MACROD2: variants seen among roughly 807,000 people sequenced by gnomAD.
MACROD2 encodes the protein ADP-ribose glycohydrolase MACROD2.
In MACROD2, 36 loss-of-function variants were observed where a neutral mutation model predicts 70.4. That is an observed-to-expected ratio of 0.51 (90% CI 0.39 to 0.68). The LOEUF (loss-of-function observed/expected upper bound fraction) is 0.68, where lower values mean the gene tolerates loss of function less well. Among genes scored for constraint, MACROD2 ranks in the 30% least tolerant of loss-of-function variants. The probability of loss-of-function intolerance (pLI) is 0.00; values close to 1 mark genes in which losing one functional copy is unlikely to be tolerated. For missense variants in MACROD2, 496 were observed against 538.4 expected (o/e 0.92, Z 0.78); for synonymous variants, 172 against 178.8 (o/e 0.96, Z 0.30).
intron 5 of MACROD2, among the ~76,000 whole-genome samples, chr20:14,923,796 G>A (rs1298482665): frequency 7.2e-6 from 1 of 138,986 alleles, no homozygotes; most frequent in Non-Finnish European, 1.6e-5. Flanking sequence ...CGTTGGGGGA[G>A]GGGGGGGCGG....
chr20:14,802,769 TACACACATAC>T (rs1325610932), intron 5 of MACROD2, among the ~76,000 whole-genome samples: 4 of 56,762 alleles, frequency 7.0e-5, no homozygotes, highest in Non-Finnish European at 9.2e-5. Context: ...AGCACACACA[TACACACATAC>T]ACACACACAC....
intron 3 of MACROD2, among the ~76,000 whole-genome samples, chr20:14,182,743 A>T (rs2081314718): frequency 6.6e-6 from 1 of 151,910 alleles, no homozygotes; most frequent in Non-Finnish European, 1.5e-5. Context: ...ACAGTTTGGG[A>T]GCTTTTTTTC....
At chr20:14,356,866 G>C (rs1449264322) in intron 3 of MACROD2, among the ~76,000 whole-genome samples, 1 of 152,152 alleles carries the variant, frequency 6.6e-6, no homozygotes, top group African/African-American at 2.4e-5. Flanking sequence ...GCTTCTGCTA[G>C]GAGCCCAGCC....
At chr20:14,460,607 T>A (rs1309109273) in intron 3 of MACROD2, among the ~76,000 whole-genome samples, 4 of 152,124 alleles carry the variant, frequency 2.6e-5, no homozygotes, top group Non-Finnish European at 5.9e-5. Flanking sequence ...TCAATACCAA[T>A]TTATTGTGAG....
At chr20:15,678,503 G>A (rs1278074822) in intron 8 of MACROD2, among the ~76,000 whole-genome samples, 1 of 152,060 alleles carries the variant, frequency 6.6e-6, no homozygotes, top group East Asian at 1.9e-4. Flanking sequence ...GGGACTACAG[G>A]CGCCCGCCAC....
intron 5 of MACROD2, among the ~76,000 whole-genome samples, chr20:15,214,162 G>C (rs1326907761): frequency 1.3e-5 from 2 of 152,120 alleles, no homozygotes; most frequent in Non-Finnish European, 2.9e-5. Context: ...ATGTGACAAA[G>C]CTCCCAAGCC....
intron 8 of MACROD2, among the ~76,000 whole-genome samples, chr20:15,850,809 T>A (rs752770998): frequency 1.2e-4 from 18 of 152,148 alleles, no homozygotes; most frequent in Admixed American, 5.9e-4. Flanking sequence ...GGGGCCCCAA[T>A]CTCAACAAAT....
At chr20:14,806,637 G>A (rs756319295) in intron 5 of MACROD2, among the ~76,000 whole-genome samples, 7 of 152,110 alleles carry the variant, frequency 4.6e-5, no homozygotes, top group Non-Finnish European at 1.0e-4. Flanking sequence ...GAGCCAAGTG[G>A]TCTTGCTCAG....
intron 4 of MACROD2, among the ~76,000 whole-genome samples, chr20:14,582,985 G>C (rs1981135573): frequency 6.6e-6 from 1 of 152,122 alleles, no homozygotes; most frequent in Non-Finnish European, 1.5e-5. Flanking sequence ...TTGTGGCTGA[G>C]TGCATGTGGT....
intron 3 of MACROD2, among the ~76,000 whole-genome samples, chr20:14,375,157 G>A (rs774667486): frequency 5.9e-5 from 9 of 151,744 alleles, no homozygotes; most frequent in Non-Finnish European, 1.2e-4. Flanking sequence ...AAATTCAAAT[G>A]TTATTTTTTA....
At chr20:14,642,725 A>G (rs1746024158) in intron 4 of MACROD2, among the ~76,000 whole-genome samples, 1 of 152,108 alleles carries the variant, frequency 6.6e-6, no homozygotes, top group Admixed American at 6.6e-5. Flanking sequence ...TCCTTTTTTT[A>G]TGGGCTTTAT....
intron 4 of MACROD2, among the ~76,000 whole-genome samples, chr20:14,511,384 C>T (rs2085028276): frequency 6.6e-6 from 1 of 151,872 alleles, no homozygotes; most frequent in South Asian, 2.1e-4. Flanking sequence ...TCATGTACCC[C>T]ATAAATATAT....
chr20:15,314,467 C>A (rs1435659099), intron 6 of MACROD2, among the ~76,000 whole-genome samples: 1 of 152,060 alleles, frequency 6.6e-6, no homozygotes, highest in Non-Finnish European at 1.5e-5. Flanking sequence ...ATAAAAACTT[C>A]AAGGTACTTT....
chr20:15,381,891 T>A (rs2045649692), intron 6 of MACROD2, among the ~76,000 whole-genome samples: 1 of 152,050 alleles, frequency 6.6e-6, no homozygotes, highest in Non-Finnish European at 1.5e-5. Flanking sequence ...TGGATGTGTA[T>A]AAAGGAGCTA....
intron 15 of MACROD2, among the ~76,000 whole-genome samples, chr20:15,989,950 A>G (rs998257336): frequency 6.6e-6 from 1 of 152,166 alleles, no homozygotes; most frequent in Non-Finnish European, 1.5e-5. Context: ...GCTCCCAGGT[A>G]TATGGGCACA....
chr20:14,226,645 AC>A (rs1449260530), intron 3 of MACROD2, among the ~76,000 whole-genome samples: 1 of 152,084 alleles, frequency 6.6e-6, no homozygotes, highest in Non-Finnish European at 1.5e-5. Flanking sequence ...GGGGCTTAGC[AC>A]CCGGGCCAGC....
At chr20:14,152,359 ATAAAT>A (rs2148711975) in intron 3 of MACROD2, among the ~76,000 whole-genome samples, 1 of 152,270 alleles carries the variant, frequency 6.6e-6, no homozygotes, top group African/African-American at 2.4e-5. Flanking sequence ...AGTGCTTTGA[ATAAAT>A]TAAATCAGTC....
chr20:14,506,006 T>A (rs2084965317), intron 4 of MACROD2, among the ~76,000 whole-genome samples: 1 of 152,270 alleles, frequency 6.6e-6, no homozygotes, highest in Admixed American at 6.5e-5. Context: ...TCCCACCCTC[T>A]CCATTTGGTT....
chr20:14,729,368 CTT>C (rs1817697873), intron 5 of MACROD2, among the ~76,000 whole-genome samples: 1 of 152,080 alleles, frequency 6.6e-6, no homozygotes, highest in African/African-American at 2.4e-5. Flanking sequence ...ATGAAAAACA[CTT>C]AATATATTTT....
Sources: allele counts gnomAD v4.1 joint callset (sites outside exome capture counted in the v4.1 genomes callset), GRCh38; gene constraint gnomAD v4.1.1; transcripts MANE v1.5; gene names NCBI Gene and HGNC (gene_info 2026-07-23, HGNC 2026-07-21).